Variants in PDE8B observed in about 807,000 individuals in gnomAD.
The protein encoded by PDE8B is phosphodiesterase 8B, also known as high affinity cAMP-specific and IBMX-insensitive 3',5'-cyclic phosphodiesterase 8B.
PDE8B carries 26 observed loss-of-function variants against 101.3 expected under a neutral mutation model. The observed-to-expected ratio is 0.26, with a 90% CI of 0.19 to 0.36. PDE8B has a LOEUF of 0.36. PDE8B is among the 10% of genes least tolerant of loss of function. The pLI is 1.00. For missense variants in PDE8B, 810 were observed against 1,163.1 expected (o/e 0.70, Z 4.42); for synonymous variants, 424 against 429.3 (o/e 0.99, Z 0.15).
At chr5:77,229,496 A>C (rs924388106) in intron 1 of PDE8B, among the ~76,000 whole-genome samples, 44 of 152,350 alleles carry the variant, frequency 2.9e-4, no homozygotes, top group African/African-American at 9.1e-4. Flanking sequence ...CTTTGCTTTC[A>C]GTATATTTAC....
At chr5:77,122,921 G>A in the PDE8B span, among the ~76,000 whole-genome samples, 1 of 152,222 alleles carries the variant, frequency 6.6e-6, no homozygotes, top group Non-Finnish European at 1.5e-5. Context: ...ACACCCTGGT[G>A]TAGGCTTTCT....
At chr5:77,376,894 G>C (rs575488801) in intron 10 of PDE8B, among the ~76,000 whole-genome samples, 3 of 152,106 alleles carry the variant, frequency 2.0e-5, no homozygotes, top group African/African-American at 4.8e-5. Context: ...TGTAACAGGG[G>C]TGGGGAAATG....
chr5:77,321,058 G>C (rs541226441), intron 2 of PDE8B, among the ~76,000 whole-genome samples: 8 of 152,128 alleles, frequency 5.3e-5, no homozygotes, highest in African/African-American at 1.4e-4. Flanking sequence ...AGTTGAAAAG[G>C]GTGGGTGGCT....
chr5:77,103,613 T>C, the PDE8B span, among the ~76,000 whole-genome samples: 1 of 152,208 alleles, frequency 6.6e-6, no homozygotes, highest in Admixed American at 6.5e-5. Context: ...GAACTCTGTG[T>C]TCCAGGCCCA....
chr5:77,249,933 A>G (rs897921222), intron 1 of PDE8B, among the ~76,000 whole-genome samples: 2 of 152,252 alleles, frequency 1.3e-5, no homozygotes, highest in African/African-American at 4.8e-5. Flanking sequence ...CAAGCCTCGT[A>G]CAAGAAGATG....
chr5:77,153,333 A>G, the PDE8B span, among the ~76,000 whole-genome samples: 300 of 152,300 alleles, frequency 2.0e-3, 1 homozygote, highest in Non-Finnish European at 3.7e-3. Flanking sequence ...TTCTTTCATT[A>G]TTTGTGATAA....
chr5:77,348,470 G>C (rs1780531602), intron 7 of PDE8B, among the ~76,000 whole-genome samples: 1 of 152,202 alleles, frequency 6.6e-6, no homozygotes, highest in South Asian at 2.1e-4. Context: ...CTGCCGAGGG[G>C]AGCTTCACAC....
chr5:77,404,929 C>T lies in PDE8B; in HGVS notation c.1288+132C>T, dbSNP rs75013258. 922 of 674,226 alleles carry T rather than the reference C, an allele frequency of 1.4e-3. 5 individuals are homozygous for T. The highest frequency in any genetic ancestry group is 0.014 in the African/African-American group (753 of 55,686). 41.8% of individuals were successfully genotyped at this position (674,226 alleles called of 1,614,324 possible). On this transcript the variant is annotated intron_variant, in intron 12 of 21. Coordinates refer to ENST00000264917, the MANE Select transcript of PDE8B (RefSeq NM_003719.5). ...CAACACCGACTTATTTTTCAATAAGCTCAAAGGTTTTAGGGGTTTTAATTA... is the reference window on the plus strand; with the variant it reads ...CAACACCGACTTATTTTTCAATAAGTTCAAAGGTTTTAGGGGTTTTAATTA...
At chr5:77,135,921 C>T in the PDE8B span, among the ~76,000 whole-genome samples, 2 of 152,088 alleles carry the variant, frequency 1.3e-5, no homozygotes, top group African/African-American at 4.8e-5. Flanking sequence ...ATTTGAGGTG[C>T]CTGGCCTCAA....
chr5:77,245,861 CA>C lies in PDE8B; in HGVS notation c.339+34599del, dbSNP rs58289602. The stretch of plus-strand genomic sequence containing the variant: ...TCCTCCCCCCCCCGCCCCCCCCCCC[CA>C]ACTTTTTGAGATAGGGTCTTGTTCT... On this transcript the variant is annotated intron_variant, in intron 1 of 21. Coordinates refer to ENST00000264917, the MANE Select transcript of PDE8B (RefSeq NM_003719.5). 1.3e-3 allele frequency among the ~76,000 whole-genome samples: 117 copies of C among 91,086 alleles called. 12 individuals carry two copies. The highest frequency in any genetic ancestry group is 4.3e-3 in the African/African-American group (72 of 16,552). 59.8% of individuals were successfully genotyped at this position (91,086 alleles called of 152,430 possible).
At chr5:77,318,071 A>C (rs1051337499) in intron 2 of PDE8B, among the ~76,000 whole-genome samples, 1 of 150,830 alleles carries the variant, frequency 6.6e-6, no homozygotes, top group African/African-American at 2.4e-5. Context: ...AAAAAAAAAA[A>C]AAAAAACACA....
chr5:77,343,752 A>G (rs1049514944), intron 6 of PDE8B, among the ~76,000 whole-genome samples: 1 of 152,124 alleles, frequency 6.6e-6, no homozygotes, highest in African/African-American at 2.4e-5. Flanking sequence ...AAACCTTTAT[A>G]TTTTTAAACT....
upstream of PDE8B, among the ~76,000 whole-genome samples, chr5:77,207,203 AAATC>A (rs1409605402): frequency 6.6e-6 from 1 of 152,254 alleles, no homozygotes; most frequent in Non-Finnish European, 1.5e-5. Flanking sequence ...GGTTATCTAA[AAATC>A]AATCAGATAG....
At chr5:77,306,370 A>G (rs1025842988) in intron 1 of PDE8B, among the ~76,000 whole-genome samples, 14 of 152,172 alleles carry the variant, frequency 9.2e-5, no homozygotes, top group African/African-American at 3.4e-4. Flanking sequence ...CTGGGGATAA[A>G]ATTGTGAAAA....
At chr5:77,359,627 G>A (rs1057222224) in intron 10 of PDE8B, among the ~76,000 whole-genome samples, 3 of 152,216 alleles carry the variant, frequency 2.0e-5, no homozygotes, top group South Asian at 2.1e-4. Flanking sequence ...GAAAATCAGA[G>A]GGAAAGAAGC....
chr5:77,160,160 C>G, the PDE8B span, among the ~76,000 whole-genome samples: 4 of 152,086 alleles, frequency 2.6e-5, no homozygotes, highest in Non-Finnish European at 5.9e-5. Context: ...GAATATTGTA[C>G]CAATTTACAT....
intron 1 of PDE8B, among the ~76,000 whole-genome samples, chr5:77,221,512 G>A (rs1018738681): frequency 7.2e-5 from 11 of 152,114 alleles, no homozygotes; most frequent in African/African-American, 2.7e-4. Flanking sequence ...ATCGGAGTAT[G>A]CGAAGTTTTG....
chr5:77,367,842 G>A (rs1448052234), intron 10 of PDE8B, among the ~76,000 whole-genome samples: 5 of 152,068 alleles, frequency 3.3e-5, no homozygotes, highest in East Asian at 3.9e-4. Flanking sequence ...AAGTTCTACC[G>A]TTTTCTAAGG....
At chr5:77,183,331 G>T in the PDE8B span, among the ~76,000 whole-genome samples, 1 of 152,060 alleles carries the variant, frequency 6.6e-6, no homozygotes, top group East Asian at 1.9e-4. Flanking sequence ...TGTTGGTCAG[G>T]CTGGTCTCGA....
Sources: gnomAD v4.1 joint callset for allele counts (sites outside exome capture counted in the v4.1 genomes callset) on GRCh38, gnomAD v4.1.1 for gene constraint, MANE v1.5 for transcripts, NCBI Gene and HGNC (gene_info 2026-07-23, HGNC 2026-07-21) for gene names.